CSNK1D: variants seen among roughly 807,000 people sequenced by gnomAD.
CSNK1D encodes the protein casein kinase I isoform delta.
A neutral mutation model predicts 46.6 loss-of-function variants in CSNK1D; 16 were observed. The ratio of observed to expected loss-of-function variants is 0.34; its 90% CI spans 0.23 to 0.52. CSNK1D has a LOEUF of 0.52. CSNK1D is among the 20% of genes least tolerant of loss of function. The probability of loss-of-function intolerance (pLI) is 0.95; values close to 1 mark genes in which losing one functional copy is unlikely to be tolerated. For missense variants in CSNK1D, 398 were observed against 578.4 expected, an observed-to-expected ratio of 0.69 and a Z score of 3.20; for synonymous variants, 276 against 228.2, an observed-to-expected ratio of 1.21 and a Z score of -1.89.
chr17:82,244,397 C>T lies in CSNK1D; in HGVS notation c.*384G>A. 1 of 1,153,128 alleles carries T rather than the reference C, an allele frequency of 8.7e-7. No homozygotes were observed. Among genetic ancestry groups the T allele is most frequent in the Non-Finnish European group, 1.1e-6 (1 of 928,024 alleles). 71.4% of individuals were successfully genotyped at this position (1,153,128 alleles called of 1,614,324 possible). A position where few individuals can be genotyped will look rare whatever the true frequency, so the allele number is the denominator to read the frequency against. The stretch of plus-strand genomic sequence containing the variant: ...ACAGATTTAAGCCAATAATTTTTAG[C>T]AAAATGATACAAAACTGTCTTAACC... On this transcript the variant is annotated 3_prime_UTR_variant, in exon 9 of 9. Transcript: ENST00000314028.
chr17:82,251,736 A>G lies in CSNK1D; in HGVS notation c.737-209T>C. The G allele has an allele frequency of 1.6e-6, 1 of 612,116 alleles. No individual in the cohort carries two copies. The highest frequency in any genetic ancestry group is 3.0e-6 in the Non-Finnish European group (1 of 335,730). 37.9% of individuals were successfully genotyped at this position (612,116 alleles called of 1,614,324 possible). A position where few individuals can be genotyped will look rare whatever the true frequency, so the allele number is the denominator to read the frequency against. On this transcript the variant is annotated intron_variant, in intron 5 of 8. Transcript: ENST00000314028. The surrounding 1 kb of genome is among the most constrained non-coding windows in gnomAD (Gnocchi z 4.5). The stretch of plus-strand genomic sequence containing the variant: ...CCGGGTGCGGCGGCTCACGCCTGTC[A>G]CCCCAGCACTCTAGGAGGCTGAGGA...
Position 82,249,956 on chromosome 17 carries a change from A to C in CSNK1D, c.886-354T>G. 1 of 1,250,018 alleles carries C rather than the reference A, an allele frequency of 8.0e-7. No homozygotes were observed. Among genetic ancestry groups the C allele is most frequent in the Non-Finnish European group, 1.0e-6 (1 of 979,920 alleles). The allele number at this position is 1,250,018 out of a possible 1,614,324, so 77.4% of individuals were successfully genotyped here. Reference sequence around the variant, plus strand: ...CAGAAAGAGGAGAGGGACAGGAACCATCGGAGGCCAAAGACAGGCCCCAAA... The same window carrying C: ...CAGAAAGAGGAGAGGGACAGGAACCCTCGGAGGCCAAAGACAGGCCCCAAA... On this transcript the variant is annotated intron_variant, in intron 6 of 8. Transcript: ENST00000314028. The surrounding 1 kb of genome is among the most constrained non-coding windows in gnomAD (Gnocchi z 6.7).
rs1001766429 is a variant in CSNK1D, at chr17:82,273,209, C to G, written c.76+97G>C. ...GCGGTGCCGGGACTTGCGCGGAGAC[C>G]CCGCGGGGGCCACCACTTCCTTCCG... is the stretch of plus-strand genomic sequence containing the variant. On this transcript the variant is annotated intron_variant, in intron 1 of 8. Coordinates refer to ENST00000314028, the MANE Select transcript of CSNK1D (RefSeq NM_001893.6). The surrounding 1 kb of genome is among the most constrained non-coding windows in gnomAD (Gnocchi z 5.1). 3.9e-6 allele frequency: 5 copies of G among 1,270,922 alleles called. No individual in the cohort carries two copies. In the African/African-American group the frequency reaches 6.1e-5, roughly 15 times the overall value. The allele number at this position is 1,270,922 out of a possible 1,614,324, so 78.7% of individuals were successfully genotyped here. A position where few individuals can be genotyped will look rare whatever the true frequency, so the allele number is the denominator to read the frequency against.
At position 82,251,431 on chromosome 17, in the gene CSNK1D, T is replaced by A; in HGVS notation, c.833A>T (p.His278Leu). Residue 278 changes from histidine to leucine, a missense_variant, in exon 6 of 9, where the codon CAT becomes CTT. Transcript: ENST00000314028. The surrounding 1 kb of genome is among the most constrained non-coding windows in gnomAD (Gnocchi z 4.5). ...YLRQLFRNLF[H>L]RQGFSYDYVF... ...GTAGTCATAGGAGAAGCCCTGGCGA[T>A]GGAACAGATTCCGGAAAAGCTGCCG... is the stretch of plus-strand genomic sequence containing the variant. 1 of 1,614,202 alleles carries A rather than the reference T, an allele frequency of 6.2e-7. No individual in the cohort carries two copies. Among genetic ancestry groups the A allele is most frequent in the Non-Finnish European group, 8.5e-7 (1 of 1,180,050 alleles).
At chr17:82,259,345 A>G (rs1460944950) in intron 2 of CSNK1D, among the ~76,000 whole-genome samples, 1 of 152,222 alleles carries the variant, frequency 6.6e-6, no homozygotes, top group Admixed American at 6.5e-5. Context: ...TATTTAGGAA[A>G]TTACATCACA....
Position 82,249,873 on chromosome 17 carries a change from C to A in CSNK1D, c.886-271G>T. 7.1e-7 allele frequency: 1 copy of A among 1,406,878 alleles called. No individual in the cohort carries two copies. The highest frequency in any genetic ancestry group is 9.2e-7 in the Non-Finnish European group (1 of 1,081,742). The allele number at this position is 1,406,878 out of a possible 1,614,324, so 87.1% of individuals were successfully genotyped here. A position where few individuals can be genotyped will look rare whatever the true frequency, so the allele number is the denominator to read the frequency against. On this transcript the variant is annotated intron_variant, in intron 6 of 8. Transcript: ENST00000314028. This position sits in a 1 kb window ranked among gnomAD's most constrained non-coding sequence, Gnocchi z 6.7. ...CCTGTGGGCTCAGAACTTCCTTAAA[C>A]TTCCAAATGGGCAGCAGCTACCCCC...
rs2050784388 is a variant in CSNK1D, at chr17:82,243,810, A to G, written c.*971T>C. On this transcript the variant is annotated 3_prime_UTR_variant, in exon 9 of 9. Transcript: ENST00000314028. ...GACTGAGTGCAAAGGCAGCAAGGCA[A>G]CAAACACTACAGTAACCACCTCTCG... The G allele has an allele frequency of 3.8e-5, 37 of 985,470 alleles. No individual in the cohort carries two copies. Among genetic ancestry groups the G allele is most frequent in the Non-Finnish European group, 4.5e-5 (37 of 829,960 alleles). 61.0% of individuals were successfully genotyped at this position (985,470 alleles called of 1,614,324 possible). A position where few individuals can be genotyped will look rare whatever the true frequency, so the allele number is the denominator to read the frequency against.
At chr17:82,258,031 C>G (rs938547177) in intron 2 of CSNK1D, among the ~76,000 whole-genome samples, 4 of 151,610 alleles carry the variant, frequency 2.6e-5, no homozygotes, top group African/African-American at 9.7e-5. Flanking sequence ...TACTGAGACC[C>G]CCGTCTCTAC....
chr17:82,248,615 C>A lies in CSNK1D; in HGVS notation c.1197+260G>T, dbSNP rs770017833. ...CTCAAACAGCAGGAGAAAGCCCCCA[C>A]GGTTTGCTGGCCTCAGGGACCTGAG... On this transcript the variant is annotated intron_variant, in intron 8 of 8. Coordinates refer to ENST00000314028, the MANE Select transcript of CSNK1D (RefSeq NM_001893.6). The surrounding 1 kb of genome is among the most constrained non-coding windows in gnomAD (Gnocchi z 4.1). 1.5e-6 allele frequency: 2 copies of A among 1,337,910 alleles called. No homozygotes were observed. Among genetic ancestry groups the A allele is most frequent in the Non-Finnish European group, 1.9e-6 (2 of 1,039,330 alleles). 82.9% of individuals were successfully genotyped at this position (1,337,910 alleles called of 1,614,324 possible).
At chr17:82,267,733 A>C (rs2051514170) in intron 1 of CSNK1D, among the ~76,000 whole-genome samples, 1 of 152,182 alleles carries the variant, frequency 6.6e-6, no homozygotes, top group South Asian at 2.1e-4. Flanking sequence ...GCCAGCCGGG[A>C]GGGAGGGTGA....
Position 82,251,436 on chromosome 17 carries a change from C to T in CSNK1D, c.828G>A (p.Leu276=), listed in dbSNP as rs540255508. 16 of 1,614,048 alleles carry T rather than the reference C, an allele frequency of 9.9e-6. No homozygotes were observed. In the Middle Eastern group the frequency reaches 6.6e-4, roughly 66 times the overall value. ...YSYLRQLFRN[L]FHRQGFSYDY... is the part of the protein sequence containing the mutation. ...CATAGGAGAAGCCCTGGCGATGGAA[C>T]AGATTCCGGAAAAGCTGCCGCAGGT... The change falls in exon 6 of 9, where the codon CTG becomes CTA. Residue 276 remains leucine, a synonymous_variant. Transcript: ENST00000314028. The surrounding 1 kb of genome is among the most constrained non-coding windows in gnomAD (Gnocchi z 4.5).
chr17:82,255,577 A>T lies in CSNK1D; in HGVS notation c.188T>A (p.Val63Glu). 6.2e-7 allele frequency: 1 copy of T among 1,614,120 alleles called. No individual in the cohort carries two copies. Among genetic ancestry groups the T allele is most frequent in the Non-Finnish European group, 8.5e-7 (1 of 1,180,018 alleles). The change falls in exon 3 of 9, where the codon GTG (valine) becomes GAG (glutamate). Residue 63 changes from valine (V) to glutamate (E), a missense_variant and splice_region_variant. By Grantham distance (121) the Val-to-Glu change is moderately radical. Coordinates refer to ENST00000314028, the MANE Select transcript of CSNK1D (RefSeq NM_001893.6). The surrounding 1 kb of genome is among the most constrained non-coding windows in gnomAD (Gnocchi z 5.9). ...SKIYKMMQGG[V>E]GIPTIRWCGA... ...GCACCATCTGATGGTGGGGATGCCC[A>T]CTAGGCAAGGAAATCAGACACAGTG...
At chr17:82,258,830 C>T (rs542768320) in intron 2 of CSNK1D, among the ~76,000 whole-genome samples, 2 of 152,228 alleles carry the variant, frequency 1.3e-5, no homozygotes, top group Non-Finnish European at 2.9e-5. Context: ...GCCCGGTGTG[C>T]TCAGTGTTCT....
intron 1 of CSNK1D, among the ~76,000 whole-genome samples, chr17:82,271,009 A>G (rs1301926331): frequency 6.6e-6 from 1 of 152,230 alleles, no homozygotes; most frequent in Admixed American, 6.5e-5. Flanking sequence ...GTCTTAATCT[A>G]TCTTTGGAAA....
downstream of CSNK1D, among the ~76,000 whole-genome samples, chr17:82,242,215 G>GT (rs113483690): frequency 2.7e-5 from 4 of 150,840 alleles, no homozygotes; most frequent in African/African-American, 7.3e-5. Flanking sequence ...TGTGCTCTGG[G>GT]GGGGGGGGGA....
chr17:82,251,981 G>A lies in CSNK1D; in HGVS notation c.736+453C>T. Reference sequence around the variant, plus strand: ...TGCACTCTAGCCTTGGCGACAGAGTGAGACTGTGTCTTAAAAAAAAAAAAG... The same window carrying A: ...TGCACTCTAGCCTTGGCGACAGAGTAAGACTGTGTCTTAAAAAAAAAAAAG... On this transcript the variant is annotated intron_variant, in intron 5 of 8. Coordinates refer to ENST00000314028, the MANE Select transcript of CSNK1D (RefSeq NM_001893.6). The surrounding 1 kb of genome is among the most constrained non-coding windows in gnomAD (Gnocchi z 4.5). 3.2e-6 allele frequency: 1 copy of A among 315,778 alleles called. No homozygotes were observed. Among genetic ancestry groups the A allele is most frequent in the Non-Finnish European group, 6.1e-6 (1 of 164,896 alleles). The allele number at this position is 315,778 out of a possible 1,614,324, so 19.6% of individuals were successfully genotyped here. A position where few individuals can be genotyped will look rare whatever the true frequency, so the allele number is the denominator to read the frequency against.
intron 2 of CSNK1D, chr17:82,261,098 G>C (rs947313610): frequency 1.3e-5 from 2 of 154,882 alleles, no homozygotes; most frequent in Admixed American, 1.3e-4. Flanking sequence ...TTTGTTAGCT[G>C]TAAGTAACAA....
intron 3 of CSNK1D, 80 bp from the exon 4 acceptor site, chr17:82,253,324 A>G: frequency 3.7e-6 from 4 of 1,085,228 alleles, no homozygotes; most frequent in Non-Finnish European, 4.3e-6. Flanking sequence ...ACACTACATC[A>G]GTGGCTGCAT....
chr17:82,273,467 G>T lies in CSNK1D; in HGVS notation c.-86C>A. ...AGGCGGCGCCGCTGCTGCCGCTACT[G>T]CGGGTCCGGCTCCCGGCTCCGCCCC... On this transcript the variant is annotated 5_prime_UTR_variant, in exon 1 of 9. Coordinates refer to ENST00000314028, the MANE Select transcript of CSNK1D (RefSeq NM_001893.6). The surrounding 1 kb of genome is among the most constrained non-coding windows in gnomAD (Gnocchi z 5.1). The T allele has an allele frequency of 6.6e-7, 1 of 1,526,234 alleles. No individual in the cohort carries two copies. The allele number at this position is 1,526,234 out of a possible 1,614,324, so 94.5% of individuals were successfully genotyped here.
Sources: gnomAD v4.1 joint callset for allele counts (sites outside exome capture counted in the v4.1 genomes callset) on GRCh38, gnomAD v4.1.1 for gene constraint, Gnocchi (gnomAD v3.1) non-coding constraint, MANE v1.5 for transcripts, NCBI Gene and HGNC (gene_info 2026-07-23, HGNC 2026-07-21) for gene names.